The following GNG7 variants were observed in gnomAD, a reference collection of about 807,000 sequenced individuals.
GNG7 encodes the protein G protein subunit gamma 7.
A neutral mutation model predicts 4.0 loss-of-function variants in GNG7; 1 was observed. The ratio of observed to expected loss-of-function variants is 0.25; its 90% CI spans 0.09 to 1.18. GNG7 has a LOEUF of 1.18. Among genes scored for constraint, GNG7 ranks in the 50% most tolerant of loss-of-function variants. The pLI is 0.50. For missense variants in GNG7, 86 were observed against 91.9 expected, an observed-to-expected ratio of 0.94 and a Z score of 0.26; for synonymous variants, 34 against 36.9, an observed-to-expected ratio of 0.92 and a Z score of 0.29.
intron 2 of GNG7, chr19:2,632,703 T>G (rs1982196002): frequency 2.0e-5 from 3 of 152,196 alleles, no homozygotes; most frequent in Admixed American, 6.5e-5. Context: ...GGAGCACCCC[T>G]TAGTTACACT....
intron 2 of GNG7, among the ~76,000 whole-genome samples, chr19:2,604,232 G>A (rs978576270): frequency 3.9e-5 from 6 of 152,066 alleles, no homozygotes; most frequent in African/African-American, 1.4e-4. Context: ...CACTTTGGGA[G>A]GCCGAGGCAG....
Position 2,521,371 on chromosome 19 carries a change from T to C in GNG7, c.-37-646A>G, listed in dbSNP as rs372903885. 2.4e-3 allele frequency among the ~76,000 whole-genome samples: 358 copies of C among 152,222 alleles called. 2 individuals are homozygous for C. The highest frequency in any genetic ancestry group is 7.9e-3 in the African/African-American group (327 of 41,544). ...CTCCCGGGTGGCCTGCCTCAGTCCA[T>C]GGCAGGGGTTCTTGCCCTCCAGGGG... On this transcript the variant is annotated intron_variant, in intron 3 of 4. Coordinates refer to ENST00000382159, the MANE Select transcript of GNG7 (RefSeq NM_052847.3).
Position 2,513,214 on chromosome 19 carries a change from T to C in GNG7, c.*1808A>G. On this transcript the variant is annotated 3_prime_UTR_variant, in exon 5 of 5. Transcript: ENST00000382159. ...GCTCAGGAAGTGAGCCAAGCAGGGATCCCCGCCTCACGGGCCTGCACGGAG... is the reference window on the plus strand; with the variant it reads ...GCTCAGGAAGTGAGCCAAGCAGGGACCCCCGCCTCACGGGCCTGCACGGAG... The C allele has an allele frequency of 1.2e-6, 1 of 850,110 alleles. No individual in the cohort carries two copies. Among genetic ancestry groups the C allele is most frequent in the Non-Finnish European group, 1.4e-6 (1 of 706,532 alleles). The allele number at this position is 850,110 out of a possible 1,614,324, so 52.7% of individuals were successfully genotyped here. A position where few individuals can be genotyped will look rare whatever the true frequency, so the allele number is the denominator to read the frequency against.
chr19:2,539,747 G>C (rs1341586196), intron 3 of GNG7, among the ~76,000 whole-genome samples: 1 of 152,096 alleles, frequency 6.6e-6, no homozygotes, highest in Non-Finnish European at 1.5e-5. Flanking sequence ...TTGGCCAAAG[G>C]GTTTAGGGAG....
chr19:2,662,280 A>AT, intron 1 of GNG7, among the ~76,000 whole-genome samples: 1 of 143,150 alleles, frequency 7.0e-6, no homozygotes, highest in East Asian at 2.1e-4. Flanking sequence ...AAAAAAAAAA[A>AT]TCAACCCAAG....
rs567166496 is a variant in GNG7, at chr19:2,550,274, G to A, written c.-38+4875C>T. Among the ~76,000 whole-genome samples the A allele has an allele frequency of 1.1e-4, 16 of 152,290 alleles. No homozygotes were observed. In the South Asian group the frequency reaches 1.7e-3, roughly 16 times the overall value. On this transcript the variant is annotated intron_variant, in intron 3 of 4. Coordinates refer to ENST00000382159, the MANE Select transcript of GNG7 (RefSeq NM_052847.3). The stretch of plus-strand genomic sequence containing the variant: ...GCTCTGTCGCCGAGGCTGGAGTGCA[G>A]TGGCGCAATCTCGGCTCACTGCAAC...
chr19:2,668,676 G>C (rs540579765), intron 1 of GNG7, among the ~76,000 whole-genome samples: 2 of 152,312 alleles, frequency 1.3e-5, no homozygotes, highest in East Asian at 3.9e-4. Flanking sequence ...CAGTTTTATG[G>C]ATGGAAAGTT....
intron 2 of GNG7, chr19:2,643,841 C>G (rs993292504): frequency 2.3e-5 from 8 of 354,748 alleles, no homozygotes; most frequent in African/African-American, 6.4e-5. Flanking sequence ...GTCATCGACT[C>G]CCAGAGCTGC....
At chr19:2,534,326 C>T (rs188395586) in intron 3 of GNG7, among the ~76,000 whole-genome samples, 55 of 152,314 alleles carry the variant, frequency 3.6e-4, no homozygotes, top group Admixed American at 1.8e-3. Flanking sequence ...CCACTCCCTC[C>T]ATCTCCTAAC....
At chr19:2,564,836 G>A (rs866197301) in intron 2 of GNG7, among the ~76,000 whole-genome samples, 2 of 151,448 alleles carry the variant, frequency 1.3e-5, no homozygotes, top group Non-Finnish European at 2.9e-5. Context: ...TTAAAGCCCC[G>A]CAATCTGTAA....
At chr19:2,619,171 G>C (rs1354364076) in intron 2 of GNG7, among the ~76,000 whole-genome samples, 1 of 152,190 alleles carries the variant, frequency 6.6e-6, no homozygotes, top group African/African-American at 2.4e-5. Flanking sequence ...ATAAACAAAA[G>C]CTCCTTGGAA....
chr19:2,676,578 AT>A (rs1423015729), intron 1 of GNG7, among the ~76,000 whole-genome samples: 1 of 152,004 alleles, frequency 6.6e-6, no homozygotes, highest in African/African-American at 2.4e-5. Flanking sequence ...TGCTTGCCTA[AT>A]TTTTGTTTTC....
intron 2 of GNG7, among the ~76,000 whole-genome samples, chr19:2,559,519 T>G (rs1418276609): frequency 6.6e-6 from 1 of 151,250 alleles, no homozygotes; most frequent in Non-Finnish European, 1.5e-5. Flanking sequence ...GTCCGGCTAA[T>G]TTTTTTTTCT....
intron 1 of GNG7, among the ~76,000 whole-genome samples, chr19:2,682,873 G>A (rs1369596236): frequency 6.6e-6 from 1 of 151,912 alleles, no homozygotes; most frequent in Non-Finnish European, 1.5e-5. Flanking sequence ...TGCAACTGTA[G>A]GAGTGAGGGA....
chr19:2,596,314 G>T (rs1981019425), intron 2 of GNG7, among the ~76,000 whole-genome samples: 1 of 151,972 alleles, frequency 6.6e-6, no homozygotes, highest in South Asian at 2.1e-4. Flanking sequence ...AGCTGAGATC[G>T]TGCCTCTGCA....
rs978599286 is a variant in GNG7, at chr19:2,512,441, C to A, written c.*2581G>T. 1.1e-6 allele frequency: 1 copy of A among 881,594 alleles called. No individual in the cohort carries two copies. Among genetic ancestry groups the A allele is most frequent in the Non-Finnish European group, 1.4e-6 (1 of 735,312 alleles). The allele number at this position is 881,594 out of a possible 1,614,324, so 54.6% of individuals were successfully genotyped here. ...TGGCAATGGCCACCTCCCTGGGGTC[C>A]GGGAGATGGTGGGGTCTGGACAGCT... On this transcript the variant is annotated 3_prime_UTR_variant, in exon 5 of 5. Transcript: ENST00000382159. The surrounding 1 kb of genome is among the most constrained non-coding windows in gnomAD (Gnocchi z 4.7).
At chr19:2,591,861 A>G (rs1373291363) in intron 2 of GNG7, among the ~76,000 whole-genome samples, 1 of 152,122 alleles carries the variant, frequency 6.6e-6, no homozygotes, top group Non-Finnish European at 1.5e-5. Context: ...TGGCCAAATA[A>G]ATGAATATTA....
At chr19:2,662,791 C>T (rs1472145802) in intron 1 of GNG7, among the ~76,000 whole-genome samples, 1 of 152,124 alleles carries the variant, frequency 6.6e-6, no homozygotes, top group Non-Finnish European at 1.5e-5. Context: ...CAACCTTCAG[C>T]CCTTCTCCCC....
Position 2,514,874 on chromosome 19 carries a change from G to T in GNG7, c.*148C>A. 1.5e-6 allele frequency: 1 copy of T among 659,634 alleles called. No individual in the cohort carries two copies. The highest frequency in any genetic ancestry group is 2.5e-6 in the Non-Finnish European group (1 of 393,008). 40.9% of individuals were successfully genotyped at this position (659,634 alleles called of 1,614,324 possible). A position where few individuals can be genotyped will look rare whatever the true frequency, so the allele number is the denominator to read the frequency against. ...GAACGCCTTTTTTGGCGGGGAGAGG[G>T]GGGATTTCTTTTGGAATTAAAGGTT... is the stretch of plus-strand genomic sequence containing the variant. On this transcript the variant is annotated 3_prime_UTR_variant, in exon 5 of 5. Transcript: ENST00000382159.
Sources: allele counts gnomAD v4.1 joint callset (sites outside exome capture counted in the v4.1 genomes callset), GRCh38; gene constraint gnomAD v4.1.1; non-coding constraint Gnocchi (gnomAD v3.1); transcripts MANE v1.5; gene names NCBI Gene and HGNC (gene_info 2026-07-23, HGNC 2026-07-21).